Variants in ERC2 observed in about 807,000 individuals in gnomAD.
ERC2 encodes the protein ELKS/RAB6-interacting/CAST family member 2.
In ERC2, 42 loss-of-function variants were observed where a neutral mutation model predicts 114.8. The observed-to-expected ratio is 0.37, with a 90% CI of 0.29 to 0.47. The LOEUF (loss-of-function observed/expected upper bound fraction) is 0.47, where lower values mean the gene tolerates loss of function less well. Among genes scored for constraint, ERC2 ranks in the 20% least tolerant of loss-of-function variants. The pLI is 0.99. For synonymous variants in ERC2, 454 were observed against 425.5 expected (o/e 1.07, Z -0.82); for missense variants, 939 against 1,150.7 (o/e 0.82, Z 2.66).
At chr3:56,230,977 A>G (rs2050581761) in intron 3 of ERC2, among the ~76,000 whole-genome samples, 1 of 152,282 alleles carries the variant, frequency 6.6e-6, no homozygotes, top group Non-Finnish European at 1.5e-5. Context: ...GCAAAGTATC[A>G]TGACATGGTG....
At chr3:55,517,991 A>T (rs1164131497) in intron 17 of ERC2, among the ~76,000 whole-genome samples, 1 of 152,148 alleles carries the variant, frequency 6.6e-6, no homozygotes, top group Non-Finnish European at 1.5e-5. Flanking sequence ...CCATCTTGGT[A>T]CTACGGCCAT....
chr3:56,265,715 T>C (rs1199097880), intron 3 of ERC2, among the ~76,000 whole-genome samples: 1 of 152,008 alleles, frequency 6.6e-6, no homozygotes, highest in Admixed American at 6.6e-5. Flanking sequence ...AAGAGGTAAA[T>C]ATTCAAAATA....
chr3:56,419,095 T>A (rs1027455170), intron 2 of ERC2, among the ~76,000 whole-genome samples: 1 of 152,246 alleles, frequency 6.6e-6, no homozygotes, highest in African/African-American at 2.4e-5. Flanking sequence ...CTCTAAGGAT[T>A]TTCACAAGAT....
intron 17 of ERC2, among the ~76,000 whole-genome samples, chr3:55,534,256 A>T (rs984336021): frequency 6.6e-6 from 1 of 152,172 alleles, no homozygotes; most frequent in Non-Finnish European, 1.5e-5. Context: ...TCATCTTAAC[A>T]AAAAGAATAA....
At chr3:55,995,888 T>A (rs2071470490) in intron 10 of ERC2, among the ~76,000 whole-genome samples, 1 of 152,166 alleles carries the variant, frequency 6.6e-6, no homozygotes, top group Non-Finnish European at 1.5e-5. Flanking sequence ...AAATTATGAG[T>A]CCTGAGCTTC....
chr3:55,695,731 A>T (rs191331019), intron 16 of ERC2, among the ~76,000 whole-genome samples: 2 of 152,228 alleles, frequency 1.3e-5, no homozygotes, highest in Non-Finnish European at 2.9e-5. Context: ...CTGATAAAAA[A>T]TACTGCTGGA....
At chr3:55,965,915 T>C (rs767072889) in intron 12 of ERC2, among the ~76,000 whole-genome samples, 6 of 152,186 alleles carry the variant, frequency 3.9e-5, no homozygotes, top group Non-Finnish European at 8.8e-5. Flanking sequence ...AAAGAGGGCA[T>C]AAACCACTTC....
chr3:55,650,406 T>G lies in ERC2; in HGVS notation c.*39+33388A>C, dbSNP rs185941934. 7.0e-4 allele frequency among the ~76,000 whole-genome samples: 107 copies of G among 152,330 alleles called. No homozygotes were observed. The East Asian group carries it at 0.019, about 27-fold the overall frequency. ...ATGATCACCACCCTGGCCTGCTTCA[T>G]GCTGGCTCCTTCTCATCCGAGGGTC... On this transcript the variant is annotated intron_variant, in intron 17 of 17. Transcript: ENST00000288221.
chr3:55,973,293 G>C (rs1363683735), intron 12 of ERC2, among the ~76,000 whole-genome samples: 3 of 152,198 alleles, frequency 2.0e-5, no homozygotes, highest in Non-Finnish European at 2.9e-5. Context: ...TGAGGGATGA[G>C]CTACAGGCCA....
At chr3:55,541,709 T>C (rs1479215564) in intron 17 of ERC2, among the ~76,000 whole-genome samples, 1 of 152,120 alleles carries the variant, frequency 6.6e-6, no homozygotes, top group African/African-American at 2.4e-5. Flanking sequence ...AATCCAAAAA[T>C]TGTGAGGCTA....
intron 1 of ERC2, among the ~76,000 whole-genome samples, chr3:56,449,263 T>C (rs1028984965): frequency 6.6e-6 from 1 of 151,798 alleles, no homozygotes; most frequent in Non-Finnish European, 1.5e-5. Context: ...GGAAGACAAC[T>C]CAGGGTCATT....
At position 56,456,511 on chromosome 3, in the gene ERC2, A is replaced by G. The variant is rs550569545; in HGVS notation, c.-141+11737T>C. On this transcript the variant is annotated intron_variant, in intron 1 of 17. Coordinates refer to ENST00000288221, the MANE Select transcript of ERC2 (RefSeq NM_015576.3). ...AATAAATGATAAAATCCCAAATTCC[A>G]TCTTGCTCTTTAATATAATCCCTAA... Among the ~76,000 whole-genome samples the G allele has an allele frequency of 3.9e-5, 6 of 152,342 alleles. No individual in the cohort carries two copies. In the East Asian group the frequency reaches 5.8e-4, roughly 15 times the overall value.
intron 17 of ERC2, among the ~76,000 whole-genome samples, chr3:55,543,682 C>T (rs1184846): frequency 1.3e-5 from 2 of 152,188 alleles, no homozygotes; most frequent in African/African-American, 2.4e-5. Flanking sequence ...TGGCTGGGGA[C>T]GGATTCACCC....
At chr3:55,522,678 C>A (rs894409919) in intron 17 of ERC2, among the ~76,000 whole-genome samples, 5 of 152,144 alleles carry the variant, frequency 3.3e-5, no homozygotes, top group African/African-American at 4.8e-5. Flanking sequence ...CCAAAGCCTG[C>A]CCTTGTAGGT....
At position 55,632,547 on chromosome 3, in the gene ERC2, G is replaced by A. The variant is rs563880215; in HGVS notation, c.*39+51247C>T. 9.3e-4 allele frequency among the ~76,000 whole-genome samples: 142 copies of A among 152,308 alleles called. 4 individuals carry two copies. In the South Asian group the frequency reaches 0.028, roughly 30 times the overall value. On this transcript the variant is annotated intron_variant, in intron 17 of 17. Coordinates refer to ENST00000288221, the MANE Select transcript of ERC2 (RefSeq NM_015576.3). ...AAGTTTGGTTTCAGTGGAAGCCCAA[G>A]GGGTGGCCCAAAGACATCTGGCTTG...
At chr3:56,465,640 GT>G (rs550844471) in intron 1 of ERC2, among the ~76,000 whole-genome samples, 2 of 152,072 alleles carry the variant, frequency 1.3e-5, no homozygotes, top group African/African-American at 2.4e-5. Flanking sequence ...TGTGAATTTT[GT>G]TTTGTTTTAC....
At chr3:55,581,191 T>C (rs189438275) in intron 17 of ERC2, among the ~76,000 whole-genome samples, 1 of 152,318 alleles carries the variant, frequency 6.6e-6, no homozygotes, top group East Asian at 1.9e-4. Context: ...AAAGGTACTA[T>C]GGTATTATCA....
At chr3:55,955,252 GT>G (rs2067870814) in intron 12 of ERC2, 5 of 36,688 alleles carry the variant, frequency 1.4e-4, no homozygotes, top group Non-Finnish European at 3.3e-4. Flanking sequence ...GTGTGTTTGT[GT>G]GTGTGTGTGT....
intron 17 of ERC2, among the ~76,000 whole-genome samples, chr3:55,532,375 C>T (rs915969040): frequency 6.6e-6 from 1 of 152,188 alleles, no homozygotes; most frequent in Non-Finnish European, 1.5e-5. Flanking sequence ...ACAAACAACA[C>T]CAGCAACAGG....
Sources: gnomAD v4.1 joint callset for allele counts (sites outside exome capture counted in the v4.1 genomes callset) on GRCh38, gnomAD v4.1.1 for gene constraint, MANE v1.5 for transcripts, NCBI Gene and HGNC (gene_info 2026-07-23, HGNC 2026-07-21) for gene names.